Variants in CDKAL1 observed in about 807,000 individuals in gnomAD.
CDKAL1 encodes the protein CDKAL1 threonylcarbamoyladenosine tRNA methylthiotransferase, also known as threonylcarbamoyladenosine tRNA methylthiotransferase.
A neutral mutation model predicts 68.2 loss-of-function variants in CDKAL1; 32 were observed. The observed-to-expected ratio is 0.47, with a 90% CI of 0.35 to 0.63. The LOEUF is 0.63. Among genes scored for constraint, CDKAL1 ranks in the 30% least tolerant of loss-of-function variants. The probability of loss-of-function intolerance (pLI) is 0.00; values close to 1 mark genes in which losing one functional copy is unlikely to be tolerated. For synonymous variants in CDKAL1, 234 were observed against 244.3 expected (o/e 0.96, Z 0.39); for missense variants, 606 against 696.7 (o/e 0.87, Z 1.47).
At chr6:21,109,640 G>A (rs952247106) in intron 13 of CDKAL1, among the ~76,000 whole-genome samples, 4 of 152,210 alleles carry the variant, frequency 2.6e-5, no homozygotes, top group Admixed American at 1.3e-4. Context: ...CAATTTGTTT[G>A]AAAGAGATTG....
intron 4 of CDKAL1, among the ~76,000 whole-genome samples, chr6:20,581,640 G>A (rs1270884057): frequency 1.3e-5 from 2 of 152,146 alleles, no homozygotes; most frequent in Non-Finnish European, 2.9e-5. Flanking sequence ...CAGTAATGAT[G>A]GCTTCTTTAG....
chr6:20,657,500 A>G (rs929166047), intron 5 of CDKAL1, among the ~76,000 whole-genome samples: 1 of 152,128 alleles, frequency 6.6e-6, no homozygotes, highest in Non-Finnish European at 1.5e-5. Context: ...GGTGTTAAAT[A>G]GTTGTTTTAA....
intron 10 of CDKAL1, among the ~76,000 whole-genome samples, chr6:20,978,165 G>A (rs1370609920): frequency 6.6e-6 from 1 of 152,192 alleles, no homozygotes; most frequent in East Asian, 1.9e-4. Context: ...CAGCTACTAT[G>A]TAGTCAGAAT....
Position 20,637,390 on chromosome 6 carries a change from C to A in CDKAL1, c.287-11903C>A, listed in dbSNP as rs139425445. Among the ~76,000 whole-genome samples the A allele has an allele frequency of 7.3e-3, 1,109 of 152,152 alleles. 13 individuals are homozygous for A. The highest frequency in any genetic ancestry group is 0.024 in the African/African-American group (1,017 of 41,528). On this transcript the variant is annotated intron_variant, in intron 4 of 15. Coordinates refer to ENST00000274695, the MANE Select transcript of CDKAL1 (RefSeq NM_017774.3). ...CCAGCCTGGCCAATATGGTGAAACC[C>A]CACCTCAACTAAAAATACAAAAATT...
intron 12 of CDKAL1, among the ~76,000 whole-genome samples, chr6:21,104,483 T>C (rs530061081): frequency 5.9e-5 from 9 of 151,776 alleles, no homozygotes; most frequent in Admixed American, 5.9e-4. Context: ...GTAAATACTT[T>C]AGGATTTGTG....
chr6:20,887,294 T>C (rs1439211479), intron 9 of CDKAL1, among the ~76,000 whole-genome samples: 1 of 152,212 alleles, frequency 6.6e-6, no homozygotes, highest in Non-Finnish European at 1.5e-5. Context: ...CATGCACTTA[T>C]CCTGTAATCC....
chr6:20,936,931 G>A (rs192077198), intron 9 of CDKAL1, among the ~76,000 whole-genome samples: 8 of 152,196 alleles, frequency 5.3e-5, no homozygotes, highest in Admixed American at 2.0e-4. Flanking sequence ...GTTACCAGAG[G>A]TTTCACGTAT....
chr6:21,230,937 G>A lies in CDKAL1; in HGVS notation c.1638G>A (p.Val546=). 1 of 1,614,166 alleles carries A rather than the reference G, an allele frequency of 6.2e-7. No homozygotes were observed. Among genetic ancestry groups the A allele is most frequent in the South Asian group, 1.1e-5 (1 of 91,074 alleles). ...SQCDSASSRM[V]LPMPRLHQDC... ...GTGACTCAGCGAGTTCCAGAATGGT[G>A]CTGCCCATGCCAAGGCTACATCAAG... Residue 546 remains valine (V), a synonymous_variant, in exon 16 of 16, where the codon GTG becomes GTA. Coordinates refer to ENST00000274695, the MANE Select transcript of CDKAL1 (RefSeq NM_017774.3).
chr6:21,205,542 T>G (rs1342346843), intron 15 of CDKAL1, among the ~76,000 whole-genome samples: 2 of 151,972 alleles, frequency 1.3e-5, no homozygotes, highest in African/African-American at 4.8e-5. Context: ...TTTGTTTTGT[T>G]TTTTTTGAGA....
Position 21,069,770 on chromosome 6 carries a change from C to CTTTTTTTTTTTTTT in CDKAL1, c.1236+4545_1236+4546insTTTTTTTTTTTTTT, listed in dbSNP as rs1771654458. On this transcript the variant is annotated intron_variant, in intron 12 of 15. Coordinates refer to ENST00000274695, the MANE Select transcript of CDKAL1 (RefSeq NM_017774.3). ...TGCCCAATAAAATCCCCCAGATTTT[C>CTTTTTTTTTTTTTT]TTTCTTTTTTTTTTTTTTTTTTTTT... Among the ~76,000 whole-genome samples, 2 of 42,254 alleles carry CTTTTTTTTTTTTTT rather than the reference C, an allele frequency of 4.7e-5. 1 individual carries two copies. 27.7% of individuals were successfully genotyped at this position (42,254 alleles called of 152,430 possible). A position where few individuals can be genotyped will look rare whatever the true frequency, so the allele number is the denominator to read the frequency against.
intron 15 of CDKAL1, among the ~76,000 whole-genome samples, chr6:21,214,865 C>T (rs144303485): frequency 1.7e-3 from 238 of 138,866 alleles, no homozygotes; most frequent in African/African-American, 4.9e-3. Flanking sequence ...GCTCAGTAAA[C>T]GTCTGTTGGA....
intron 4 of CDKAL1, among the ~76,000 whole-genome samples, chr6:20,563,512 A>T (rs969329781): frequency 1.3e-5 from 2 of 151,206 alleles, no homozygotes; most frequent in African/African-American, 4.9e-5. Context: ...ATTTTTGTTA[A>T]TTTTTTTTTA....
At chr6:20,549,199 A>C (rs1051922019) in intron 4 of CDKAL1, among the ~76,000 whole-genome samples, 44 of 152,262 alleles carry the variant, frequency 2.9e-4, no homozygotes, top group African/African-American at 1.0e-3. Flanking sequence ...GACACTTCTG[A>C]AGAAAACATT....
chr6:20,668,427 G>A (rs1769653404), intron 5 of CDKAL1, among the ~76,000 whole-genome samples: 1 of 152,114 alleles, frequency 6.6e-6, no homozygotes, highest in Non-Finnish European at 1.5e-5. Context: ...GAAATCCTGG[G>A]CTAAAGCCAT....
chr6:20,802,663 C>T (rs1000260517), intron 8 of CDKAL1, among the ~76,000 whole-genome samples: 52 of 152,116 alleles, frequency 3.4e-4, no homozygotes, highest in African/African-American at 1.2e-3. Context: ...CAAAACAGGC[C>T]TTACAGTGAT....
rs374122805 is a variant in CDKAL1 at position 20,739,611 on chromosome 6, T to C, written c.464T>C (p.Ile155Thr). The C allele has an allele frequency of 1.9e-6, 3 of 1,598,248 alleles. No homozygotes were observed. Among genetic ancestry groups the C allele is most frequent in the East Asian group, 4.5e-5 (2 of 44,790 alleles). Residue 155 changes from isoleucine to threonine, a missense_variant, in exon 6 of 16, where the codon ATT becomes ACT. Ile to Thr is a moderately conservative substitution (Grantham distance 89, BLOSUM62 -1). Transcript: ENST00000274695. Reference protein sequence around the residue: ...RQDYLKGLSIIGVQQIDRVVE... With the variant: ...RQDYLKGLSITGVQQIDRVVE... ...GACTACCTTAAGGGACTGAGTATCA[T>C]TGGGGTAAGCTTGTACCTGATGCAA...
intron 8 of CDKAL1, among the ~76,000 whole-genome samples, chr6:20,797,695 G>A (rs188101526): frequency 1.5e-3 from 226 of 152,192 alleles, no homozygotes; most frequent in Non-Finnish European, 2.7e-3. Context: ...ATCTTGGATG[G>A]ATGTAAAAAG....
At chr6:21,226,764 G>A (rs1779763307) in intron 15 of CDKAL1, among the ~76,000 whole-genome samples, 1 of 152,202 alleles carries the variant, frequency 6.6e-6, no homozygotes, top group Admixed American at 6.5e-5. Flanking sequence ...CCAGGCTGGA[G>A]TGCAGTGGCG....
chr6:20,845,170 A>G (rs934009244), intron 8 of CDKAL1, among the ~76,000 whole-genome samples: 25 of 152,208 alleles, frequency 1.6e-4, no homozygotes, highest in African/African-American at 5.1e-4. Context: ...TCAATATGAA[A>G]TTTTAAAGCA....
Sources: gnomAD v4.1 joint callset for allele counts (sites outside exome capture counted in the v4.1 genomes callset) on GRCh38, gnomAD v4.1.1 for gene constraint, MANE v1.5 for transcripts, NCBI Gene and HGNC (gene_info 2026-07-23, HGNC 2026-07-21) for gene names.